The following FHOD3 variants were observed in gnomAD, a reference collection of about 807,000 sequenced individuals.
FHOD3 encodes the protein FH1/FH2 domain-containing protein 3.
Under a neutral mutation model 173.0 loss-of-function variants are expected in FHOD3, and 90 were observed. The ratio of observed to expected loss-of-function variants is 0.52; its 90% CI spans 0.44 to 0.62. The LOEUF (loss-of-function observed/expected upper bound fraction) is 0.62, where lower values mean the gene tolerates loss of function less well. Among genes scored for constraint, FHOD3 ranks in the 20% least tolerant of loss-of-function variants. The probability of loss-of-function intolerance (pLI) is 0.00; values close to 1 mark genes in which losing one functional copy is unlikely to be tolerated. For missense variants in FHOD3, 1,945 were observed against 2,034.7 expected (o/e 0.96, Z 0.85); for synonymous variants, 828 against 823.0 (o/e 1.01, Z -0.10).
At chr18:36,555,613 G>A (rs1217382989) in intron 5 of FHOD3, among the ~76,000 whole-genome samples, 1 of 152,040 alleles carries the variant, frequency 6.6e-6, no homozygotes, top group Non-Finnish European at 1.5e-5. Flanking sequence ...AATCTATATA[G>A]ATTACTGTGA....
At chr18:36,501,408 G>C (rs965256874) in intron 3 of FHOD3, among the ~76,000 whole-genome samples, 2 of 152,170 alleles carry the variant, frequency 1.3e-5, no homozygotes, top group African/African-American at 4.8e-5. Context: ...GCTCAAGGCA[G>C]CCAGCACACC....
chr18:36,307,242 A>C (rs1353472065), intron 1 of FHOD3, among the ~76,000 whole-genome samples: 1 of 152,218 alleles, frequency 6.6e-6, no homozygotes, highest in African/African-American at 2.4e-5. Flanking sequence ...GATTACAGGC[A>C]TGAGCCACTG....
At chr18:36,424,691 C>T (rs1330020220) in intron 3 of FHOD3, among the ~76,000 whole-genome samples, 1 of 152,240 alleles carries the variant, frequency 6.6e-6, no homozygotes, top group Non-Finnish European at 1.5e-5. Context: ...CCCTTGTTTA[C>T]AATTTGGCTT....
At chr18:36,357,969 A>G (rs908105451) in intron 2 of FHOD3, among the ~76,000 whole-genome samples, 1 of 150,816 alleles carries the variant, frequency 6.6e-6, no homozygotes, top group Non-Finnish European at 1.5e-5. Flanking sequence ...TGGGAGAAGA[A>G]TAATATTTTT....
At chr18:36,543,647 C>T (rs541141754) in intron 5 of FHOD3, among the ~76,000 whole-genome samples, 50 of 152,312 alleles carry the variant, frequency 3.3e-4, no homozygotes, top group African/African-American at 1.1e-3. Context: ...GGATCCCTGT[C>T]ACCCACTGGG....
chr18:36,655,060 T>A (rs2036320903), intron 13 of FHOD3, among the ~76,000 whole-genome samples: 1 of 150,120 alleles, frequency 6.7e-6, no homozygotes, highest in Non-Finnish European at 1.5e-5. Context: ...CTTCTTTTTT[T>A]TTTTTTTTTT....
chr18:36,545,515 T>C (rs575917865), intron 5 of FHOD3, among the ~76,000 whole-genome samples: 1 of 152,362 alleles, frequency 6.6e-6, no homozygotes, highest in African/African-American at 2.4e-5. Flanking sequence ...AAGCAGTTTC[T>C]GAATCGTCAG....
intron 5 of FHOD3, among the ~76,000 whole-genome samples, chr18:36,548,267 G>A (rs778411667): frequency 4.6e-5 from 7 of 152,126 alleles, no homozygotes; most frequent in Non-Finnish European, 8.8e-5. Flanking sequence ...GCCAGGCACC[G>A]TGTTTAGCTC....
intron 20 of FHOD3, among the ~76,000 whole-genome samples, chr18:36,733,261 C>T (rs2041464719): frequency 1.3e-5 from 2 of 152,200 alleles, no homozygotes; most frequent in East Asian, 1.9e-4. Flanking sequence ...GTTTGCTTCT[C>T]TTTTCTATAA....
intron 6 of FHOD3, among the ~76,000 whole-genome samples, chr18:36,586,006 T>A (rs1361809443): frequency 6.6e-6 from 1 of 152,142 alleles, no homozygotes; most frequent in East Asian, 1.9e-4. Flanking sequence ...CTGCCAGCCC[T>A]TCTCCCCCTA....
chr18:36,500,649 C>T (rs538214378), intron 3 of FHOD3, among the ~76,000 whole-genome samples: 1 of 152,310 alleles, frequency 6.6e-6, no homozygotes, highest in Non-Finnish European at 1.5e-5. Context: ...GATGGAGAAT[C>T]CAAGGCTTAG....
At chr18:36,330,685 C>A (rs968298738) in intron 1 of FHOD3, among the ~76,000 whole-genome samples, 1 of 152,184 alleles carries the variant, frequency 6.6e-6, no homozygotes. Context: ...GGTGACTTGG[C>A]TTCATGCAGG....
chr18:36,524,457 G>A (rs2056421656), intron 5 of FHOD3, among the ~76,000 whole-genome samples: 1 of 152,146 alleles, frequency 6.6e-6, no homozygotes, highest in Admixed American at 6.6e-5. Context: ...TCCAGAGCCT[G>A]AGGACTGGAA....
intron 3 of FHOD3, among the ~76,000 whole-genome samples, chr18:36,442,916 C>T (rs777113098): frequency 6.6e-6 from 1 of 152,172 alleles, no homozygotes; most frequent in Non-Finnish European, 1.5e-5. Context: ...CTTTTTATTT[C>T]ATGACCTTGA....
chr18:36,580,133 C>T (rs2058793923), intron 6 of FHOD3, among the ~76,000 whole-genome samples: 1 of 152,104 alleles, frequency 6.6e-6, no homozygotes, highest in African/African-American at 2.4e-5. Context: ...TAAAAAGTTT[C>T]AAAAATACAT....
At chr18:36,681,885 G>T (rs1169825038) in intron 15 of FHOD3, among the ~76,000 whole-genome samples, 1 of 152,104 alleles carries the variant, frequency 6.6e-6, no homozygotes, top group African/African-American at 2.4e-5. Flanking sequence ...AACTTAATTT[G>T]CCATCTCTTC....
In FHOD3 at chr18:36,718,592, G is replaced by C; in HGVS notation, c.3294G>C (p.Trp1098Cys). The change falls in exon 19 of 29, where the codon TGG becomes TGC. Residue 1098 changes from tryptophan to cysteine, a missense_variant. This residue lies in a region of FHOD3 where 231 missense variants were observed against 321.9 expected (regional missense o/e 0.72). Transcript: ENST00000590592. ...GGAATGAAGTTCGGCCTTTTGACTGGCCATGTAAAAACAACCGACGCTGCA... is the reference window on the plus strand; with the variant it reads ...GGAATGAAGTTCGGCCTTTTGACTGCCCATGTAAAAACAACCGACGCTGCA... ...LFWNEVRPFD[W>C]PCKNNRRCRE... 6.2e-7 allele frequency: 1 copy of C among 1,614,100 alleles called. No homozygotes were observed. The highest frequency in any genetic ancestry group is 2.2e-5 in the East Asian group (1 of 44,882).
At chr18:36,417,905 T>A (rs1209165108) in intron 3 of FHOD3, among the ~76,000 whole-genome samples, 1 of 152,250 alleles carries the variant, frequency 6.6e-6, no homozygotes, top group Non-Finnish European at 1.5e-5. Context: ...AATCAACTTA[T>A]ATTAACTGTC....
rs1181851197 is a variant in FHOD3 at position 36,609,607 on chromosome 18, CTT to C, written c.814-2326_814-2325del. Among the ~76,000 whole-genome samples the C allele has an allele frequency of 2.0e-3, 242 of 118,168 alleles. 1 individual carries two copies. Among genetic ancestry groups the C allele is most frequent in the African/African-American group, 6.2e-3 (192 of 31,002 alleles). 77.5% of individuals were successfully genotyped at this position (118,168 alleles called of 152,430 possible). A position where few individuals can be genotyped will look rare whatever the true frequency, so the allele number is the denominator to read the frequency against. ...AAGAGTTTCCCGAGTCTTTTTAGTT[CTT>C]TTTTTTTTTTTTTTTTTTGAGACAG... On this transcript the variant is annotated intron_variant, in intron 8 of 28. Coordinates refer to ENST00000590592, the MANE Select transcript of FHOD3 (RefSeq NM_001281740.3).
Sources: allele counts gnomAD v4.1 joint callset (sites outside exome capture counted in the v4.1 genomes callset), GRCh38; gene constraint gnomAD v4.1.1; regional missense constraint gnomAD v4.1.1; transcripts MANE v1.5; gene names NCBI Gene and HGNC (gene_info 2026-07-23, HGNC 2026-07-21).